Variants in CCBE1 observed in about 807,000 individuals in gnomAD.
The protein encoded by CCBE1 is collagen and calcium binding EGF domains 1, also known as collagen and calcium-binding EGF domain-containing protein 1.
Under a neutral mutation model 50.0 loss-of-function variants are expected in CCBE1, and 37 were observed. The observed-to-expected ratio is 0.74, with a 90% CI of 0.57 to 0.97. The LOEUF (loss-of-function observed/expected upper bound fraction) is 0.97, where lower values mean the gene tolerates loss of function less well. Ranked by LOEUF, CCBE1 falls within the 50% of genes least tolerant of loss-of-function variation. The probability of loss-of-function intolerance (pLI) is 0.00; values close to 1 mark genes in which losing one functional copy is unlikely to be tolerated. For missense variants in CCBE1, 538 were observed against 523.8 expected, an observed-to-expected ratio of 1.03 and a Z score of -0.26; for synonymous variants, 234 against 203.7, an observed-to-expected ratio of 1.15 and a Z score of -1.27.
intron 2 of CCBE1, chr18:59,564,143 T>C (rs1173215984): frequency 6.6e-6 from 1 of 152,242 alleles, no homozygotes; most frequent in Non-Finnish European, 1.5e-5. Flanking sequence ...GCTTAAAGCC[T>C]GATTTCCTCT....
At chr18:59,596,114 G>A (rs187047986) in intron 2 of CCBE1, among the ~76,000 whole-genome samples, 208 of 152,222 alleles carry the variant, frequency 1.4e-3, no homozygotes, top group Admixed American at 3.1e-3. Context: ...GGAAATAAGG[G>A]GTCTGAACAG....
Position 59,434,178 on chromosome 18 carries a change from A to C in CCBE1, c.*1730T>G. Reference sequence around the variant, plus strand: ...GCTGGGATTAGAGGCGTGGGCTACCACACCCGGCCAAGAGGGATTTTCTTT... The same window carrying C: ...GCTGGGATTAGAGGCGTGGGCTACCCCACCCGGCCAAGAGGGATTTTCTTT... On this transcript the variant is annotated 3_prime_UTR_variant, in exon 11 of 11. Transcript: ENST00000439986. 6.6e-6 allele frequency: 1 copy of C among 152,194 alleles called. No homozygotes were observed. The allele number at this position is 152,194 out of a possible 1,614,324, so 9.4% of individuals were successfully genotyped here.
chr18:59,495,005 A>G (rs1913281276), intron 2 of CCBE1, among the ~76,000 whole-genome samples: 1 of 152,146 alleles, frequency 6.6e-6, no homozygotes. Context: ...AATACAAAAA[A>G]TTAGCGAGGC....
intron 2 of CCBE1, among the ~76,000 whole-genome samples, chr18:59,538,803 ATCT>A (rs1915351886): frequency 6.6e-6 from 1 of 152,188 alleles, no homozygotes; most frequent in Non-Finnish European, 1.5e-5. Context: ...TCCCTGTGTC[ATCT>A]TCTCCCATTG....
intron 3 of CCBE1, among the ~76,000 whole-genome samples, chr18:59,470,237 G>T (rs1239253620): frequency 6.6e-6 from 1 of 152,130 alleles, no homozygotes. Context: ...CTTCTTACAT[G>T]GTATCAGGCA....
chr18:59,652,919 G>A (rs1198799264), intron 2 of CCBE1, among the ~76,000 whole-genome samples: 2 of 151,190 alleles, frequency 1.3e-5, no homozygotes, highest in African/African-American at 2.4e-5. Context: ...AACCGAGAAC[G>A]CACCACTGCA....
intron 2 of CCBE1, among the ~76,000 whole-genome samples, chr18:59,674,422 G>T (rs543669882): frequency 2.2e-4 from 34 of 152,150 alleles, no homozygotes; most frequent in African/African-American, 8.0e-4. Flanking sequence ...TGAACAATGA[G>T]AACACATGGA....
chr18:59,590,794 A>G (rs2053253525), intron 2 of CCBE1, among the ~76,000 whole-genome samples: 2 of 152,252 alleles, frequency 1.3e-5, no homozygotes, highest in African/African-American at 4.8e-5. Context: ...TTGTATTAGG[A>G]CAACTAAATA....
intron 2 of CCBE1, among the ~76,000 whole-genome samples, chr18:59,695,496 A>T (rs1050090863): frequency 6.6e-6 from 1 of 152,156 alleles, no homozygotes; most frequent in Non-Finnish European, 1.5e-5. Context: ...TTGCCTGATT[A>T]TTGTCCCTTC....
At chr18:59,641,126 TAA>T (rs762438379) in intron 2 of CCBE1, among the ~76,000 whole-genome samples, 7 of 151,882 alleles carry the variant, frequency 4.6e-5, no homozygotes, top group Non-Finnish European at 1.0e-4. Context: ...TATACCCAAA[TAA>T]AAAAACATTC....
intron 5 of CCBE1, 27 bp from the exon 6 acceptor site, chr18:59,454,978 G>T: frequency 6.4e-7 from 1 of 1,574,240 alleles, no homozygotes; most frequent in Non-Finnish European, 8.7e-7. Flanking sequence ...GCTCAGTCCT[G>T]TCTGGGAGGC....
intron 2 of CCBE1, among the ~76,000 whole-genome samples, chr18:59,518,702 C>T (rs1046909742): frequency 6.6e-6 from 1 of 152,110 alleles, no homozygotes; most frequent in African/African-American, 2.4e-5. Flanking sequence ...TATTGGGAAC[C>T]CACCCACATC....
intron 2 of CCBE1, among the ~76,000 whole-genome samples, chr18:59,664,341 G>A (rs761166546): frequency 3.3e-5 from 5 of 152,118 alleles, no homozygotes; most frequent in Non-Finnish European, 7.3e-5. Flanking sequence ...AAAGAGAGAA[G>A]CGCAGCAGGT....
At chr18:59,642,791 T>C (rs538687840) in intron 2 of CCBE1, among the ~76,000 whole-genome samples, 1 of 151,502 alleles carries the variant, frequency 6.6e-6, no homozygotes, top group African/African-American at 2.4e-5. Flanking sequence ...CTACTAAAAA[T>C]ACAAAAAATT....
intron 2 of CCBE1, among the ~76,000 whole-genome samples, chr18:59,563,184 G>A (rs1051140882): frequency 2.6e-5 from 4 of 152,304 alleles, no homozygotes; most frequent in East Asian, 3.9e-4. Flanking sequence ...TGGACTGAGC[G>A]AGAGACACAA....
At chr18:59,690,618 T>C (rs1361694701) in intron 2 of CCBE1, among the ~76,000 whole-genome samples, 1 of 152,140 alleles carries the variant, frequency 6.6e-6, no homozygotes, top group South Asian at 2.1e-4. Flanking sequence ...AAGTTAACCA[T>C]AGGAAGTTGG....
At chr18:59,449,935 G>A (rs1214620573) in intron 6 of CCBE1, among the ~76,000 whole-genome samples, 1 of 152,160 alleles carries the variant, frequency 6.6e-6, no homozygotes, top group Non-Finnish European at 1.5e-5. Flanking sequence ...CTGGGTGGCT[G>A]CATCCTGGTT....
intron 2 of CCBE1, among the ~76,000 whole-genome samples, chr18:59,570,382 T>C (rs1399031002): frequency 6.6e-6 from 1 of 152,122 alleles, no homozygotes; most frequent in Non-Finnish European, 1.5e-5. Context: ...GGGAGGGGCT[T>C]TGAAAGCCAG....
In CCBE1 at chr18:59,615,309, C is replaced by G. The variant is rs1396540360; in HGVS notation, c.212+81320G>C. Among the ~76,000 whole-genome samples the G allele has an allele frequency of 2.0e-5, 3 of 152,324 alleles. 1 individual carries two copies. Among genetic ancestry groups the G allele is most frequent in the South Asian group, 2.1e-4 (1 of 4,824 alleles). On this transcript the variant is annotated intron_variant, in intron 2 of 10. Transcript: ENST00000439986. ...GCAAGGCTGTTCAAAGCTTTACTTC[C>G]TGTTTCATTCTCACCCAGAATCTGT...
Sources: allele counts gnomAD v4.1 joint callset (sites outside exome capture counted in the v4.1 genomes callset), GRCh38; gene constraint gnomAD v4.1.1; transcripts MANE v1.5; gene names NCBI Gene and HGNC (gene_info 2026-07-23, HGNC 2026-07-21).